Variants in AFF1 observed in about 807,000 individuals in gnomAD.
AFF1 encodes the protein AF4/FMR2 family member 1.
Under a neutral mutation model 121.7 loss-of-function variants are expected in AFF1, and 48 were observed. That is an observed-to-expected ratio of 0.39 (90% confidence interval 0.31 to 0.50). The LOEUF is 0.50. Ranked by LOEUF, AFF1 falls within the 20% of genes least tolerant of loss-of-function variation. The pLI, the probability that AFF1 is intolerant of heterozygous loss-of-function variation, is 0.76. For synonymous variants in AFF1, 613 were observed against 563.0 expected (o/e 1.09, Z -1.26); for missense variants, 1,523 against 1,511.7 (o/e 1.01, Z -0.12).
At chr4:87,004,170 ACTGAAT>A (rs969954480) in intron 2 of AFF1, among the ~76,000 whole-genome samples, 51 of 152,318 alleles carry the variant, frequency 3.3e-4, no homozygotes, top group South Asian at 2.9e-3. Flanking sequence ...TTTTGCTAAA[ACTGAAT>A]CTAGGTGCTA....
intron 2 of AFF1, among the ~76,000 whole-genome samples, chr4:87,045,175 G>A (rs1480204653): frequency 3.3e-5 from 5 of 152,184 alleles, no homozygotes; most frequent in African/African-American, 7.2e-5. Context: ...TAGAATTTCC[G>A]AAGGTACTGA....
intron 2 of AFF1, among the ~76,000 whole-genome samples, chr4:86,976,434 C>T (rs897385862): frequency 6.6e-6 from 1 of 152,084 alleles, no homozygotes; most frequent in Non-Finnish European, 1.5e-5. Context: ...TCATATCACG[C>T]ACCCATGAAA....
At chr4:86,935,762 G>C (rs571312703) in intron 1 of AFF1, 1 of 152,350 alleles carries the variant, frequency 6.6e-6, no homozygotes. Flanking sequence ...TGTGTCGGTG[G>C]TCCGTAGCCT....
At chr4:86,982,827 G>A (rs549542436) in intron 2 of AFF1, among the ~76,000 whole-genome samples, 13 of 134,980 alleles carry the variant, frequency 9.6e-5, no homozygotes, top group Admixed American at 4.6e-4. Flanking sequence ...CAGTCTGGGC[G>A]ACAGAGTAAG....
intron 8 of AFF1, among the ~76,000 whole-genome samples, chr4:87,098,356 A>C (rs1332553915): frequency 6.6e-6 from 1 of 152,200 alleles, no homozygotes. Flanking sequence ...CCCTAAGTTT[A>C]AGAGAGAGTG....
chr4:87,082,871 G>A (rs3116679), intron 4 of AFF1, among the ~76,000 whole-genome samples: 123,718 of 152,254 alleles, frequency 0.81, 50,483 homozygotes, highest in African/African-American at 0.89. Context: ...TTAGCAACCA[G>A]TTCTATATTA....
chr4:87,134,363 T>C, intron 19 of AFF1, 108 bp from the exon 20 acceptor site: 1 of 1,045,232 alleles, frequency 9.6e-7, no homozygotes, highest in Non-Finnish European at 1.4e-6. Context: ...TTGGCAGGTG[T>C]ATAGTGAAAC....
intron 2 of AFF1, among the ~76,000 whole-genome samples, chr4:86,959,491 C>CT (rs34054629): frequency 0.24 from 23,247 of 97,874 alleles, 2,080 homozygotes; most frequent in East Asian, 0.42. Context: ...CCTTAATACT[C>CT]TTTTTTTTTT....
intron 4 of AFF1, among the ~76,000 whole-genome samples, chr4:87,064,257 T>C (rs1721105310): frequency 6.6e-6 from 1 of 152,162 alleles, no homozygotes; most frequent in Admixed American, 6.5e-5. Flanking sequence ...ACAAATTTAG[T>C]AAGGAAAGGT....
At chr4:87,059,154 C>T (rs749767192) in intron 4 of AFF1, among the ~76,000 whole-genome samples, 39 of 152,216 alleles carry the variant, frequency 2.6e-4, no homozygotes, top group African/African-American at 7.2e-4. Flanking sequence ...CCGTTGCTCA[C>T]GAACACCAGA....
At chr4:87,016,596 C>G (rs947278424) in intron 2 of AFF1, among the ~76,000 whole-genome samples, 3 of 151,556 alleles carry the variant, frequency 2.0e-5, no homozygotes, top group African/African-American at 7.3e-5. Context: ...TTTTATATAT[C>G]ATAAAATTCA....
chr4:87,114,854 G>A lies in AFF1; in HGVS notation c.2021G>A (p.Ser674Asn), dbSNP rs1416497910. 1 of 1,613,916 alleles carries A rather than the reference G, an allele frequency of 6.2e-7. No homozygotes were observed. Among genetic ancestry groups the A allele is most frequent in the Admixed American group, 1.7e-5 (1 of 59,992 alleles). The change falls in exon 12 of 21, where the codon AGT (serine) becomes AAT (asparagine). Residue 674 changes from serine to asparagine, a missense_variant. Coordinates refer to ENST00000395146, the MANE Select transcript of AFF1 (RefSeq NM_001166693.3). ...CCCAAGCCAGCAGTGCCCCCCTCCA[G>A]TGAGAAGAAGAAGCACAAGAGCTCC... ...NEPKPAVPPS[S>N]EKKKHKSSLP... is the part of the protein sequence containing the mutation.
chr4:87,077,116 A>G (rs748674133), intron 4 of AFF1, among the ~76,000 whole-genome samples: 1 of 152,242 alleles, frequency 6.6e-6, no homozygotes, highest in African/African-American at 2.4e-5. Flanking sequence ...TCTTCTCACT[A>G]TGTAAGTATG....
At chr4:87,034,509 C>G (rs551958115) in intron 2 of AFF1, among the ~76,000 whole-genome samples, 2 of 152,142 alleles carry the variant, frequency 1.3e-5, no homozygotes, top group African/African-American at 4.8e-5. Context: ...AGTTTTCATC[C>G]TAGAGGTAGC....
rs572679350 is a variant in AFF1, at chr4:86,943,895, A to C, written c.-36-4603A>C. On this transcript the variant is annotated intron_variant, in intron 1 of 20. Coordinates refer to ENST00000395146, the MANE Select transcript of AFF1 (RefSeq NM_001166693.3). The stretch of plus-strand genomic sequence containing the variant: ...GAGAATCGCTTGAACCCTGAAGCGG[A>C]GGTTGTGGTGAGCCAGGATCCTGCC... Among the ~76,000 whole-genome samples the C allele has an allele frequency of 2.5e-3, 387 of 151,848 alleles. 2 individuals are homozygous for C. Among genetic ancestry groups the C allele is most frequent in the Non-Finnish European group, 4.4e-3 (298 of 67,914 alleles).
intron 2 of AFF1, among the ~76,000 whole-genome samples, chr4:86,952,040 CTG>C (rs1721388452): frequency 6.6e-6 from 1 of 151,164 alleles, no homozygotes; most frequent in Non-Finnish European, 1.5e-5. Flanking sequence ...AGTCTTGGGT[CTG>C]TTGTTGGGCT....
intron 2 of AFF1, among the ~76,000 whole-genome samples, chr4:87,026,275 T>G (rs1315106152): frequency 6.6e-6 from 1 of 152,112 alleles, no homozygotes; most frequent in Non-Finnish European, 1.5e-5. Flanking sequence ...TTTTGTACTT[T>G]TAGTAGAGAT....
intron 4 of AFF1, among the ~76,000 whole-genome samples, chr4:87,066,330 G>A (rs191206079): frequency 2.0e-5 from 3 of 152,328 alleles, no homozygotes; most frequent in African/African-American, 7.2e-5. Context: ...TTGGCTGGGT[G>A]TAGGGGGTCA....
intron 4 of AFF1, among the ~76,000 whole-genome samples, chr4:87,063,695 A>G (rs886847693): frequency 1.3e-5 from 2 of 152,220 alleles, no homozygotes; most frequent in Non-Finnish European, 2.9e-5. Flanking sequence ...TCACATTTAA[A>G]TGGGACAGTA....
Sources: allele counts gnomAD v4.1 joint callset (sites outside exome capture counted in the v4.1 genomes callset), GRCh38; gene constraint gnomAD v4.1.1; transcripts MANE v1.5; gene names NCBI Gene and HGNC (gene_info 2026-07-23, HGNC 2026-07-21).